The following SGIP1 variants were observed in gnomAD, a reference collection of about 807,000 sequenced individuals.
SGIP1 encodes the protein SH3-containing GRB2-like protein 3-interacting protein 1.
In SGIP1, 38 loss-of-function variants were observed where a neutral mutation model predicts 107.5. That is an observed-to-expected ratio of 0.35 (90% confidence interval 0.27 to 0.46). The LOEUF (loss-of-function observed/expected upper bound fraction) is 0.46, where lower values mean the gene tolerates loss of function less well. Ranked by LOEUF, SGIP1 falls within the 20% of genes least tolerant of loss-of-function variation. The pLI is 1.00. For missense variants in SGIP1, 929 were observed against 1,019.5 expected (o/e 0.91, Z 1.21); for synonymous variants, 365 against 366.1 (o/e 1.00, Z 0.03).
At chr1:66,537,842 A>G (rs764039915) in intron 1 of SGIP1, among the ~76,000 whole-genome samples, 2 of 152,028 alleles carry the variant, frequency 1.3e-5, no homozygotes, top group Admixed American at 6.6e-5. Flanking sequence ...GAGGCAAAAA[A>G]ATGGTGGAGT....
intron 17 of SGIP1, among the ~76,000 whole-genome samples, chr1:66,693,978 T>C (rs949814050): frequency 2.0e-5 from 3 of 152,234 alleles, no homozygotes; most frequent in African/African-American, 7.2e-5. Context: ...GTTAAAAGCA[T>C]CTACTTTCCC....
chr1:66,705,449 G>A (rs929174772), intron 18 of SGIP1, among the ~76,000 whole-genome samples: 2 of 152,276 alleles, frequency 1.3e-5, no homozygotes, highest in African/African-American at 2.4e-5. Context: ...AGGATGTTTC[G>A]GAAAAGTTGC....
At chr1:66,561,439 A>G (rs1332464698) in intron 1 of SGIP1, among the ~76,000 whole-genome samples, 1 of 152,008 alleles carries the variant, frequency 6.6e-6, no homozygotes, top group Admixed American at 6.6e-5. Flanking sequence ...TCTACTCTAT[A>G]TCAGAAAATG....
chr1:66,573,080 C>G (rs1478954387), intron 1 of SGIP1, among the ~76,000 whole-genome samples: 1 of 151,876 alleles, frequency 6.6e-6, no homozygotes, highest in Non-Finnish European at 1.5e-5. Flanking sequence ...GGAGAGACTT[C>G]TAATTGGTGT....
Position 66,743,063 on chromosome 1 carries a change from T to C in SGIP1, c.2465-10T>C. ...CAGATAACCTGTTGACATGCTGTTT[T>C]GTTTTGCAGGAAAATACTTGGCAGA... On this transcript the variant is annotated splice_polypyrimidine_tract_variant and intron_variant, in intron 24 of 24. Coordinates refer to ENST00000371037, the MANE Select transcript of SGIP1 (RefSeq NM_032291.4). The C allele has an allele frequency of 6.2e-7, 1 of 1,613,650 alleles. No homozygotes were observed.
chr1:66,575,033 A>G (rs1049558853), intron 1 of SGIP1, among the ~76,000 whole-genome samples: 1 of 152,176 alleles, frequency 6.6e-6, no homozygotes, highest in African/African-American at 2.4e-5. Context: ...CTTGAGAGCA[A>G]TAGAACTTTT....
chr1:66,629,910 CT>C (rs2073875741), intron 2 of SGIP1, among the ~76,000 whole-genome samples: 2 of 152,192 alleles, frequency 1.3e-5, no homozygotes, highest in African/African-American at 4.8e-5. Context: ...TGTTAGTCCA[CT>C]GAATCCTCTA....
intron 19 of SGIP1, among the ~76,000 whole-genome samples, chr1:66,727,270 G>A (rs750748160): frequency 9.9e-5 from 15 of 152,168 alleles, no homozygotes; most frequent in Non-Finnish European, 1.6e-4. Flanking sequence ...AGTTTAAGCA[G>A]AGGATAACTG....
At chr1:66,687,358 G>A (rs2088642341) in intron 15 of SGIP1, among the ~76,000 whole-genome samples, 1 of 150,446 alleles carries the variant, frequency 6.6e-6, no homozygotes. Context: ...TCCCTATGCT[G>A]TTACTTCCGT....
chr1:66,706,396 T>C (rs1486076252), intron 18 of SGIP1, among the ~76,000 whole-genome samples: 1 of 146,484 alleles, frequency 6.8e-6, no homozygotes, highest in Non-Finnish European at 1.5e-5. Context: ...TAATATAAAA[T>C]AGTTATATAT....
At chr1:66,551,746 G>A (rs990295038) in intron 1 of SGIP1, among the ~76,000 whole-genome samples, 2 of 152,054 alleles carry the variant, frequency 1.3e-5, no homozygotes, top group African/African-American at 2.4e-5. Flanking sequence ...TGTGTTTCTT[G>A]TTATCATCAT....
At chr1:66,565,902 A>G (rs894370512) in intron 1 of SGIP1, among the ~76,000 whole-genome samples, 3 of 152,032 alleles carry the variant, frequency 2.0e-5, no homozygotes, top group African/African-American at 7.2e-5. Flanking sequence ...TCTAGAAGAA[A>G]GTAGAAAGCA....
chr1:66,579,530 A>ATGTAGCATGTAGCATGT (rs1038778300), intron 1 of SGIP1, among the ~76,000 whole-genome samples: 9 of 152,226 alleles, frequency 5.9e-5, no homozygotes, highest in African/African-American at 2.2e-4. Context: ...TGCATGTAGC[A>ATGTAGCATGTAGCATGT]AGACACCTGT....
chr1:66,561,846 T>C (rs2058996009), intron 1 of SGIP1, among the ~76,000 whole-genome samples: 1 of 152,054 alleles, frequency 6.6e-6, no homozygotes, highest in Non-Finnish European at 1.5e-5. Context: ...AACAGATATA[T>C]GTTTTATTAG....
intron 1 of SGIP1, among the ~76,000 whole-genome samples, chr1:66,539,899 A>G (rs2148021971): frequency 1.3e-5 from 2 of 152,204 alleles, no homozygotes; most frequent in African/African-American, 4.8e-5. Flanking sequence ...CTTTCAGTGC[A>G]TGGGCTGAAT....
chr1:66,577,756 CTGTGTGTGTGTGTGTGTGTG>C lies in SGIP1; in HGVS notation c.10+43414_10+43433del, dbSNP rs6143251. ...TTAGAAGAGTGATACTAATGCAGTC[CTGTGTGTGTGTGTGTGTGTG>C]TGTGTGTGTGTGTGTGTGTGTGTGT... is the stretch of plus-strand genomic sequence containing the variant. On this transcript the variant is annotated intron_variant, in intron 1 of 24. Transcript: ENST00000371037. Among the ~76,000 whole-genome samples, 257 of 144,976 alleles carry C rather than the reference CTGTGTGTGTGTGTGTGTGTG, an allele frequency of 1.8e-3. 3 individuals carry two copies. The highest frequency in any genetic ancestry group is 2.5e-3 in the Non-Finnish European group (163 of 65,594).
At position 66,748,294 on chromosome 1, in the gene SGIP1, C is replaced by T. The variant is rs2094580114; in HGVS notation, c.*5199C>T. ...AGTCTCTAAATATTAAAAACAACAA[C>T]AAAACACTTGCCTTTCTCTTGTGTC... On this transcript the variant is annotated 3_prime_UTR_variant, in exon 25 of 25. Transcript: ENST00000371037. 6.6e-6 allele frequency: 1 copy of T among 151,924 alleles called. No individual in the cohort carries two copies. The highest frequency in any genetic ancestry group is 6.6e-5 in the Admixed American group (1 of 15,260). 9.4% of individuals were successfully genotyped at this position (151,924 alleles called of 1,614,324 possible). A position where few individuals can be genotyped will look rare whatever the true frequency, so the allele number is the denominator to read the frequency against.
At chr1:66,703,653 T>C (rs889286142) in intron 18 of SGIP1, among the ~76,000 whole-genome samples, 3 of 151,342 alleles carry the variant, frequency 2.0e-5, no homozygotes, top group Non-Finnish European at 4.4e-5. Flanking sequence ...CATACTGATA[T>C]AGCATACATA....
At chr1:66,541,925 C>G (rs1178828704) in intron 1 of SGIP1, among the ~76,000 whole-genome samples, 3 of 152,146 alleles carry the variant, frequency 2.0e-5, no homozygotes, top group Admixed American at 6.5e-5. Flanking sequence ...TCTTCAGAAG[C>G]ATGGAGTCTA....
Sources: allele counts gnomAD v4.1 joint callset (sites outside exome capture counted in the v4.1 genomes callset), GRCh38; gene constraint gnomAD v4.1.1; transcripts MANE v1.5; gene names NCBI Gene and HGNC (gene_info 2026-07-23, HGNC 2026-07-21).